ANTXR1: variants seen among roughly 807,000 people sequenced by gnomAD.
ANTXR1 encodes the protein ANTXR cell adhesion molecule 1.
In ANTXR1, 19 loss-of-function variants were observed where a neutral mutation model predicts 78.1. The ratio of observed to expected loss-of-function variants is 0.24; its 90% confidence interval spans 0.17 to 0.36. The LOEUF is 0.36. ANTXR1 is among the 10% of genes least tolerant of loss of function. The pLI, the probability that ANTXR1 is intolerant of heterozygous loss-of-function variation, is 1.00. For missense variants in ANTXR1, 518 were observed against 718.6 expected (o/e 0.72, Z 3.19); for synonymous variants, 273 against 260.5 (o/e 1.05, Z -0.46).
At chr2:69,211,535 T>C (rs1477644004) in intron 17 of ANTXR1, among the ~76,000 whole-genome samples, 1 of 152,270 alleles carries the variant, frequency 6.6e-6, no homozygotes, top group African/African-American at 2.4e-5. Flanking sequence ...ATAATTATTC[T>C]GCAGCTGTTC....
At chr2:69,080,719 G>A (rs1670874755) in intron 8 of ANTXR1, among the ~76,000 whole-genome samples, 1 of 152,134 alleles carries the variant, frequency 6.6e-6, no homozygotes, top group Non-Finnish European at 1.5e-5. Context: ...GAAATAACAT[G>A]GCCATGAGAT....
intron 17 of ANTXR1, among the ~76,000 whole-genome samples, chr2:69,214,183 A>G (rs374556694): frequency 3.9e-5 from 6 of 152,294 alleles, no homozygotes; most frequent in African/African-American, 1.4e-4. Context: ...AAGAAGAGAA[A>G]ATGATGTTGG....
intron 10 of ANTXR1, among the ~76,000 whole-genome samples, chr2:69,106,787 A>G (rs1671820874): frequency 6.6e-6 from 1 of 152,200 alleles, no homozygotes; most frequent in South Asian, 2.1e-4. Flanking sequence ...GCCTGCAGCA[A>G]ACAACCCCCT....
intron 13 of ANTXR1, among the ~76,000 whole-genome samples, chr2:69,160,614 G>A (rs1351055929): frequency 1.3e-5 from 2 of 152,084 alleles, no homozygotes; most frequent in African/African-American, 4.8e-5. Flanking sequence ...TCCAAACTAT[G>A]TCAGGGCAAT....
chr2:69,197,371 T>C (rs1284958827), intron 17 of ANTXR1, among the ~76,000 whole-genome samples: 1 of 152,184 alleles, frequency 6.6e-6, no homozygotes, highest in East Asian at 1.9e-4. Flanking sequence ...CCAGAATCCT[T>C]AGCTTGATTT....
intron 9 of ANTXR1, among the ~76,000 whole-genome samples, chr2:69,093,706 T>C (rs1309813093): frequency 6.6e-6 from 1 of 152,236 alleles, no homozygotes. Context: ...CCAAGGTTAT[T>C]TGGTAGAACC....
intron 10 of ANTXR1, chr2:69,103,259 T>C (rs904713360): frequency 7.7e-5 from 31 of 404,552 alleles, no homozygotes; most frequent in Non-Finnish European, 1.3e-4. Flanking sequence ...GGCACTGGTT[T>C]CCTTGTCCCC....
At chr2:69,047,248 C>T (rs1055251216) in intron 3 of ANTXR1, among the ~76,000 whole-genome samples, 14 of 151,648 alleles carry the variant, frequency 9.2e-5, no homozygotes, top group African/African-American at 2.4e-4. Context: ...ATCAAATACA[C>T]GTAGGGTAAA....
chr2:69,127,440 T>C (rs1672576187), intron 12 of ANTXR1, among the ~76,000 whole-genome samples: 1 of 151,912 alleles, frequency 6.6e-6, no homozygotes, highest in African/African-American at 2.4e-5. Context: ...CGCCTGCTGC[T>C]GTCCTTATTC....
rs534101623 is a variant in ANTXR1 at position 69,056,925 on chromosome 2, C to A, written c.296+12112C>A. Among the ~76,000 whole-genome samples, 3 of 152,196 alleles carry A rather than the reference C, an allele frequency of 2.0e-5. No homozygotes were observed. The South Asian group carries it at 6.2e-4, about 32-fold the overall frequency. Reference sequence around the variant, plus strand: ...AACTCCTGACCTCAAGTGATCTGGCCACCTAGGCCTCCCAAAGTGCTGGGA... The same window carrying A: ...AACTCCTGACCTCAAGTGATCTGGCAACCTAGGCCTCCCAAAGTGCTGGGA... On this transcript the variant is annotated intron_variant, in intron 3 of 17. Transcript: ENST00000303714.
intron 14 of ANTXR1, 138 bp from the exon 15 acceptor site, chr2:69,181,648 T>A (rs1460042088): frequency 8.2e-6 from 7 of 850,598 alleles, no homozygotes. Flanking sequence ...TGGCCCAAGG[T>A]TCTAGGAAAC....
chr2:69,018,979 A>G (rs1301646850), intron 1 of ANTXR1, among the ~76,000 whole-genome samples: 2 of 152,220 alleles, frequency 1.3e-5, no homozygotes, highest in Non-Finnish European at 2.9e-5. Context: ...TGCAACCCAG[A>G]GAAATGCTCC....
chr2:69,076,842 A>C (rs1670747451), intron 7 of ANTXR1, among the ~76,000 whole-genome samples: 1 of 152,244 alleles, frequency 6.6e-6, no homozygotes. Context: ...CCACACAGAG[A>C]TCTGGGGGCA....
intron 8 of ANTXR1, among the ~76,000 whole-genome samples, chr2:69,079,903 C>G (rs1318421146): frequency 6.6e-6 from 1 of 152,172 alleles, no homozygotes; most frequent in African/African-American, 2.4e-5. Flanking sequence ...TCAGTGTTGT[C>G]CTTGAATACA....
chr2:69,160,314 G>A (rs556902501), intron 13 of ANTXR1, among the ~76,000 whole-genome samples: 7 of 152,114 alleles, frequency 4.6e-5, no homozygotes, highest in Admixed American at 4.6e-4. Context: ...TATGCCTGCC[G>A]GTGAAATGGA....
At chr2:69,182,722 A>G in intron 16 of ANTXR1, 62 bp downstream of exon 16, 1 of 1,606,882 alleles carries the variant, frequency 6.2e-7, no homozygotes, top group Non-Finnish European at 8.5e-7. Flanking sequence ...ATAGTGAAGA[A>G]TCAAAATCTT....
Position 69,118,697 on chromosome 2 carries a change from G to A in ANTXR1, c.803-4320G>A, listed in dbSNP as rs138908074. 8.5e-5 allele frequency among the ~76,000 whole-genome samples: 13 copies of A among 152,294 alleles called. 1 individual carries two copies. The highest frequency in any genetic ancestry group is 1.5e-4 in the Non-Finnish European group (10 of 68,032). On this transcript the variant is annotated intron_variant, in intron 10 of 17. Coordinates refer to ENST00000303714, the MANE Select transcript of ANTXR1 (RefSeq NM_032208.3). ...CACGACACCACTGGCTTTGGCACAC[G>A]CTGCAGCGAGGCTGGCACGGCCCTG...
At chr2:69,239,839 G>A (rs945095141) in intron 17 of ANTXR1, among the ~76,000 whole-genome samples, 5 of 152,148 alleles carry the variant, frequency 3.3e-5, no homozygotes, top group Admixed American at 6.5e-5. Flanking sequence ...TCCAGAACCT[G>A]ATCAACAAGA....
In ANTXR1 at chr2:69,247,167, C is replaced by A. The variant is rs1348233407; in HGVS notation, c.*1682C>A. On this transcript the variant is annotated 3_prime_UTR_variant, in exon 18 of 18. Coordinates refer to ENST00000303714, the MANE Select transcript of ANTXR1 (RefSeq NM_032208.3). ...TTTCTTCACAATCCTTCTCAAATTACAATTCCAAAGAGCCGCCACTCAACA... is the reference window on the plus strand; with the variant it reads ...TTTCTTCACAATCCTTCTCAAATTAAAATTCCAAAGAGCCGCCACTCAACA... 2 of 152,820 alleles carry A rather than the reference C, an allele frequency of 1.3e-5. No individual in the cohort carries two copies. The highest frequency in any genetic ancestry group is 4.8e-5 in the African/African-American group (2 of 41,418). 9.5% of individuals were successfully genotyped at this position (152,820 alleles called of 1,614,324 possible).
Sources: gnomAD v4.1 joint callset for allele counts (sites outside exome capture counted in the v4.1 genomes callset) on GRCh38, gnomAD v4.1.1 for gene constraint, MANE v1.5 for transcripts, NCBI Gene and HGNC (gene_info 2026-07-23, HGNC 2026-07-21) for gene names.